The following SMARCA2 variants were observed in gnomAD, a reference collection of about 807,000 sequenced individuals.
SMARCA2 encodes the protein SWI/SNF related BAF chromatin remodeling complex subunit ATPase 2, also known as SWI/SNF-related matrix-associated actin-dependent regulator of chromatin subfamily A member 2.
Under a neutral mutation model 199.8 loss-of-function variants are expected in SMARCA2, and 61 were observed. That is an observed-to-expected ratio of 0.31 (90% CI 0.25 to 0.38). The LOEUF is 0.38. Among genes scored for constraint, SMARCA2 ranks in the 10% least tolerant of loss-of-function variants. The probability of loss-of-function intolerance (pLI) is 1.00; values close to 1 mark genes in which losing one functional copy is unlikely to be tolerated. For missense variants in SMARCA2, 1,344 were observed against 2,012.2 expected, an observed-to-expected ratio of 0.67 and a Z score of 6.35; for synonymous variants, 935 against 732.0, an observed-to-expected ratio of 1.28 and a Z score of -4.48.
At chr9:2,146,275 C>G (rs1395029163) in intron 27 of SMARCA2, among the ~76,000 whole-genome samples, 2 of 152,212 alleles carry the variant, frequency 1.3e-5, no homozygotes, top group South Asian at 4.2e-4. Context: ...CTAATCACCT[C>G]CCAAAGGCCC....
At chr9:2,018,318 G>T (rs1274473750) in intron 1 of SMARCA2, among the ~76,000 whole-genome samples, 1 of 151,984 alleles carries the variant, frequency 6.6e-6, no homozygotes, top group African/African-American at 2.4e-5. Flanking sequence ...CCCCTCCTTT[G>T]TTTATATAAC....
intron 29 of SMARCA2, among the ~76,000 whole-genome samples, chr9:2,178,890 G>C (rs1826811201): frequency 6.6e-6 from 1 of 152,212 alleles, no homozygotes. Context: ...GAGGGAGGGG[G>C]ATGAGTTTGA....
chr9:2,070,826 A>T (rs1360766096), intron 10 of SMARCA2, among the ~76,000 whole-genome samples: 1 of 152,232 alleles, frequency 6.6e-6, no homozygotes, highest in Non-Finnish European at 1.5e-5. Context: ...AATATGACAC[A>T]GTTTCTCTAG....
intron 2 of SMARCA2, among the ~76,000 whole-genome samples, chr9:2,030,436 G>A (rs1015376057): frequency 6.6e-6 from 1 of 151,940 alleles, no homozygotes; most frequent in African/African-American, 2.4e-5. Flanking sequence ...GTTCCAGTCT[G>A]AGTCCAAAGA....
chr9:2,161,993 T>C lies in SMARCA2; in HGVS notation c.4199+90T>C. On this transcript the variant is annotated intron_variant, in intron 28 of 33. Transcript: ENST00000349721. The surrounding 1 kb of genome is among the most constrained non-coding windows in gnomAD (Gnocchi z 4.7). ...AGCAGGAGTTGTTAAGTTGTGCACT[T>C]AGGTTTTATTAAGGTTCTTTCTAGT... The C allele has an allele frequency of 1.0e-6, 1 of 1,001,514 alleles. No homozygotes were observed. The highest frequency in any genetic ancestry group is 1.5e-6 in the Non-Finnish European group (1 of 678,940). The allele number at this position is 1,001,514 out of a possible 1,614,324, so 62.0% of individuals were successfully genotyped here.
rs117271446 is a variant in SMARCA2, at chr9:2,143,009, A to G, written c.3982-18677A>G. ...GTTCTTAAACAGATTTCGGGATGAT[A>G]GGAGATTCGGACATATTTTAAAACA... On this transcript the variant is annotated intron_variant, in intron 27 of 33. Coordinates refer to ENST00000349721, the MANE Select transcript of SMARCA2 (RefSeq NM_003070.5). 8.0e-3 allele frequency among the ~76,000 whole-genome samples: 1,219 copies of G among 152,312 alleles called. 8 individuals carry two copies. The highest frequency in any genetic ancestry group is 0.013 in the Non-Finnish European group (873 of 68,042).
chr9:2,149,119 T>TGACACCAC, intron 27 of SMARCA2, among the ~76,000 whole-genome samples: 1 of 151,142 alleles, frequency 6.6e-6, no homozygotes, highest in African/African-American at 2.4e-5. Context: ...GGAGGTTTAA[T>TGACACCAC]TGGACTTACA....
At chr9:2,073,530 C>A in intron 11 of SMARCA2, 36 bp from the exon 12 acceptor site, 4 of 1,573,428 alleles carry the variant, frequency 2.5e-6, no homozygotes, top group Non-Finnish European at 3.5e-6. Flanking sequence ...ATTTAAAAAA[C>A]TAAGCCCCCT....
chr9:2,111,353 G>A (rs544327933), intron 24 of SMARCA2, among the ~76,000 whole-genome samples: 4 of 151,976 alleles, frequency 2.6e-5, no homozygotes, highest in Non-Finnish European at 1.5e-5. Context: ...GCTGGGCACA[G>A]TGGCACTTAT....
chr9:2,176,192 T>TTTTTTTTTTG (rs1826589405), intron 29 of SMARCA2, among the ~76,000 whole-genome samples: 1 of 150,306 alleles, frequency 6.7e-6, no homozygotes, highest in Non-Finnish European at 1.5e-5. Flanking sequence ...GTTTTTTTTT[T>TTTTTTTTTTG]TTTTTTTTTT....
At chr9:2,063,195 A>G (rs1465730413) in intron 9 of SMARCA2, among the ~76,000 whole-genome samples, 4 of 152,188 alleles carry the variant, frequency 2.6e-5, no homozygotes, top group African/African-American at 9.7e-5. Flanking sequence ...GGGGGAAGAA[A>G]AAAAGAAAAG....
intron 27 of SMARCA2, among the ~76,000 whole-genome samples, chr9:2,156,879 C>T (rs1270365560): frequency 6.6e-6 from 1 of 152,228 alleles, no homozygotes; most frequent in Non-Finnish European, 1.5e-5. Flanking sequence ...CGGCCGTCTT[C>T]CCTCAGCCGC....
At chr9:2,050,307 T>C (rs1820059318) in intron 5 of SMARCA2, among the ~76,000 whole-genome samples, 1 of 152,136 alleles carries the variant, frequency 6.6e-6, no homozygotes, top group Non-Finnish European at 1.5e-5. Context: ...GTCAGAGAGA[T>C]GTTTCCCTGT....
intron 28 of SMARCA2, among the ~76,000 whole-genome samples, chr9:2,168,469 A>AT (rs1289233430): frequency 6.6e-6 from 1 of 152,188 alleles, no homozygotes; most frequent in African/African-American, 2.4e-5. Context: ...AGGCCTACAT[A>AT]TAATCAGCCC....
chr9:2,020,575 GAT>G (rs1258127059), intron 1 of SMARCA2, among the ~76,000 whole-genome samples: 1 of 152,134 alleles, frequency 6.6e-6, no homozygotes, highest in Non-Finnish European at 1.5e-5. Context: ...ATTTACGTAA[GAT>G]ATTTATCATT....
chr9:2,050,748 T>G (rs1820082061), intron 5 of SMARCA2, among the ~76,000 whole-genome samples: 1 of 152,162 alleles, frequency 6.6e-6, no homozygotes, highest in Non-Finnish European at 1.5e-5. Context: ...CTTTTTAAAG[T>G]GTCACTCAGC....
chr9:2,027,042 C>G (rs925413654), intron 1 of SMARCA2, among the ~76,000 whole-genome samples: 15 of 152,146 alleles, frequency 9.9e-5, no homozygotes, highest in Non-Finnish European at 1.5e-5. Flanking sequence ...CTTCCTGTTT[C>G]AGCTCTAATT....
chr9:2,182,001 T>G, intron 30 of SMARCA2, 140 bp from the exon 31 acceptor site: 1 of 711,694 alleles, frequency 1.4e-6, no homozygotes, highest in East Asian at 2.5e-5. Context: ...TGGCGCCCCC[T>G]GGGGTTATGC....
At chr9:2,148,652 G>A (rs1824888209) in intron 27 of SMARCA2, among the ~76,000 whole-genome samples, 2 of 151,050 alleles carry the variant, frequency 1.3e-5, no homozygotes, top group Non-Finnish European at 3.0e-5. Flanking sequence ...TGAGACACAC[G>A]CACATGCCAC....
Sources: allele counts gnomAD v4.1 joint callset (sites outside exome capture counted in the v4.1 genomes callset), GRCh38; gene constraint gnomAD v4.1.1; non-coding constraint Gnocchi (gnomAD v3.1); transcripts MANE v1.5; gene names NCBI Gene and HGNC (gene_info 2026-07-23, HGNC 2026-07-21).